The following DENND1B variants were observed in gnomAD, a reference collection of about 807,000 sequenced individuals.
The protein encoded by DENND1B is DENN domain-containing protein 1B.
DENND1B carries 59 observed loss-of-function variants against 90.1 expected under a neutral mutation model. The ratio of observed to expected loss-of-function variants is 0.65; its 90% CI spans 0.53 to 0.81. The LOEUF (loss-of-function observed/expected upper bound fraction) is 0.81. Ranked by LOEUF, DENND1B falls within the 40% of genes least tolerant of loss-of-function variation. The pLI is 0.00. For synonymous variants in DENND1B, 337 were observed against 324.6 expected, an observed-to-expected ratio of 1.04 and a Z score of -0.41; for missense variants, 862 against 912.6, an observed-to-expected ratio of 0.94 and a Z score of 0.71.
chr1:197,579,736 A>G (rs1205079753), intron 15 of DENND1B, among the ~76,000 whole-genome samples: 2 of 152,164 alleles, frequency 1.3e-5, no homozygotes, highest in East Asian at 3.9e-4. Context: ...CATTTTGTAT[A>G]ACTTCTTTTT....
Position 197,678,616 on chromosome 1 carries a change from C to G in DENND1B, c.127-4447G>C, listed in dbSNP as rs140784198. On this transcript the variant is annotated intron_variant, in intron 3 of 22. Coordinates refer to ENST00000620048, the MANE Select transcript of DENND1B (RefSeq NM_001195215.2). ...CACCACAGCAAACTCTCAGGGACAC[C>G]GTCAGATATTTTAAATTTTCAAGGG... Among the ~76,000 whole-genome samples the G allele has an allele frequency of 3.2e-4, 48 of 152,150 alleles. No homozygotes were observed. The East Asian group carries it at 7.9e-3, about 25-fold the overall frequency.
intron 12 of DENND1B, among the ~76,000 whole-genome samples, chr1:197,609,457 C>T (rs1172237396): frequency 6.6e-6 from 1 of 150,542 alleles, no homozygotes; most frequent in African/African-American, 2.4e-5. Flanking sequence ...TTCCTAATGA[C>T]CTGCAGGCTT....
At chr1:197,742,543 A>G (rs1315144675) in intron 2 of DENND1B, among the ~76,000 whole-genome samples, 2 of 152,192 alleles carry the variant, frequency 1.3e-5, no homozygotes, top group Non-Finnish European at 2.9e-5. Flanking sequence ...CCCACTATAA[A>G]CAATGTAAAA....
chr1:197,759,099 A>G (rs1654679460), intron 2 of DENND1B, among the ~76,000 whole-genome samples: 1 of 150,106 alleles, frequency 6.7e-6, no homozygotes, highest in Non-Finnish European at 1.5e-5. Context: ...CCTCCCAAAT[A>G]GCTGGGGACT....
intron 16 of DENND1B, chr1:197,552,771 C>A (rs1377883791): frequency 1.6e-6 from 2 of 1,246,056 alleles, no homozygotes; most frequent in Non-Finnish European, 2.0e-6. Context: ...TACTAATTTC[C>A]AGCAATATTA....
chr1:197,529,276 ATATATG>A lies in DENND1B; in HGVS notation c.1515+10682_1515+10687del, dbSNP rs1558206121. ...TGTGTGTGTGTGTGTGTGTATATGTATATATGTATATATATGTATATATGTGTATAT... is the reference window on the plus strand; with the variant it reads ...TGTGTGTGTGTGTGTGTGTATATGTATATATATATGTATATATGTGTATAT... On this transcript the variant is annotated intron_variant, in intron 20 of 22. Coordinates refer to ENST00000620048, the MANE Select transcript of DENND1B (RefSeq NM_001195215.2). Among the ~76,000 whole-genome samples the A allele has an allele frequency of 3.0e-5, 4 of 131,862 alleles. No homozygotes were observed. The East Asian group carries it at 6.4e-4, about 21-fold the overall frequency. The allele number at this position is 131,862 out of a possible 152,430, so 86.5% of individuals were successfully genotyped here.
chr1:197,768,733 C>A (rs1415292531), intron 2 of DENND1B, among the ~76,000 whole-genome samples: 1 of 151,908 alleles, frequency 6.6e-6, no homozygotes, highest in Non-Finnish European at 1.5e-5. Flanking sequence ...AGAACAAATT[C>A]TACTAACACA....
At chr1:197,653,119 A>G (rs1330815079) in intron 6 of DENND1B, among the ~76,000 whole-genome samples, 1 of 152,020 alleles carries the variant, frequency 6.6e-6, no homozygotes, top group African/African-American at 2.4e-5. Context: ...CACTTATACC[A>G]AAACTTAATA....
intron 3 of DENND1B, among the ~76,000 whole-genome samples, chr1:197,678,306 A>C (rs1203912406): frequency 6.6e-6 from 1 of 152,212 alleles, no homozygotes; most frequent in Non-Finnish European, 1.5e-5. Context: ...CTCAATAAAA[A>C]TATTACACCA....
intron 10 of DENND1B, among the ~76,000 whole-genome samples, chr1:197,631,378 G>A (rs1002576100): frequency 6.6e-6 from 1 of 152,030 alleles, no homozygotes; most frequent in Non-Finnish European, 1.5e-5. Flanking sequence ...AAAGAAATTA[G>A]ATGAATTATA....
At chr1:197,614,718 G>T (rs1470644343) in intron 11 of DENND1B, among the ~76,000 whole-genome samples, 1 of 150,696 alleles carries the variant, frequency 6.6e-6, no homozygotes, top group Non-Finnish European at 1.5e-5. Context: ...GTCTATTGGG[G>T]TAGTCTAAAG....
chr1:197,508,545 T>C lies in DENND1B; in HGVS notation c.*1915A>G, dbSNP rs1036776428. ...GAATAAGTGTCCCAAATAACACATATCCATTTAGATTTTGAAACGTAGGTT... is the reference window on the plus strand; with the variant it reads ...GAATAAGTGTCCCAAATAACACATACCCATTTAGATTTTGAAACGTAGGTT... On this transcript the variant is annotated 3_prime_UTR_variant, in exon 23 of 23. Coordinates refer to ENST00000620048, the MANE Select transcript of DENND1B (RefSeq NM_001195215.2). 2.0e-5 allele frequency: 3 copies of C among 151,742 alleles called. No individual in the cohort carries two copies. The highest frequency in any genetic ancestry group is 7.2e-5 in the African/African-American group (3 of 41,392). 9.4% of individuals were successfully genotyped at this position (151,742 alleles called of 1,614,324 possible).
At chr1:197,734,084 A>G in intron 2 of DENND1B, 1 of 956,440 alleles carries the variant, frequency 1.0e-6, no homozygotes, top group Non-Finnish European at 1.2e-6. Flanking sequence ...TGTATTTTTC[A>G]CTGAAGGACC....
chr1:197,521,510 T>C (rs1381147815), intron 20 of DENND1B, among the ~76,000 whole-genome samples: 2 of 151,976 alleles, frequency 1.3e-5, no homozygotes, highest in African/African-American at 4.8e-5. Context: ...GTACAATCTG[T>C]ACTACCCTCC....
In DENND1B at chr1:197,542,533, C is replaced by T. The variant is rs75135249; in HGVS notation, c.1351-1518G>A. On this transcript the variant is annotated intron_variant, in intron 18 of 22. Transcript: ENST00000620048. ...AATGATGAGTATAAGGCCTAGTTCA[C>T]GATAGGCACTCAAATAATTTATTGA... is the stretch of plus-strand genomic sequence containing the variant. Among the ~76,000 whole-genome samples, 902 of 152,110 alleles carry T rather than the reference C, an allele frequency of 5.9e-3. 13 individuals are homozygous for T. The highest frequency in any genetic ancestry group is 0.02 in the African/African-American group (843 of 41,474).
Position 197,510,494 on chromosome 1 carries a change from A to G in DENND1B, c.2294T>C (p.Ile765Thr). 1 of 1,608,326 alleles carries G rather than the reference A, an allele frequency of 6.2e-7. No individual in the cohort carries two copies. The highest frequency in any genetic ancestry group is 2.2e-5 in the East Asian group (1 of 44,774). Residue 765 changes from isoleucine (I) to threonine (T), a missense_variant, in exon 23 of 23, where the codon ATT becomes ACT. Transcript: ENST00000620048. ...GTTTCCATTTGTGTTTTTGTCTGAA[A>G]TGTTCAAGCTTTGTTGGAAGTCAGA... ...MTSDFQQSLN[I>T]SDKNTNGNQT is the part of the protein sequence containing the mutation.
chr1:197,594,785 A>G (rs1485343546), intron 14 of DENND1B, among the ~76,000 whole-genome samples: 1 of 152,146 alleles, frequency 6.6e-6, no homozygotes, highest in African/African-American at 2.4e-5. Flanking sequence ...AATATTGTAA[A>G]ACCTTCAAGT....
intron 10 of DENND1B, among the ~76,000 whole-genome samples, chr1:197,637,131 A>T (rs983851856): frequency 6.6e-6 from 1 of 152,176 alleles, no homozygotes; most frequent in Non-Finnish European, 1.5e-5. Flanking sequence ...CAACACATAC[A>T]TTATTTTCTT....
chr1:197,714,119 G>C (rs1413078549), intron 3 of DENND1B, among the ~76,000 whole-genome samples: 3 of 149,968 alleles, frequency 2.0e-5, no homozygotes, highest in African/African-American at 7.4e-5. Context: ...TGAGATTACA[G>C]GCGCACGCCA....
Sources: gnomAD v4.1 joint callset for allele counts (sites outside exome capture counted in the v4.1 genomes callset) on GRCh38, gnomAD v4.1.1 for gene constraint, MANE v1.5 for transcripts, NCBI Gene and HGNC (gene_info 2026-07-23, HGNC 2026-07-21) for gene names.